ATP10B: variants seen among roughly 807,000 people sequenced by gnomAD.
ATP10B encodes the protein ATPase phospholipid transporting 10B (putative), also known as phospholipid-transporting ATPase VB.
ATP10B carries 122 observed loss-of-function variants against 141.2 expected under a neutral mutation model. The observed-to-expected ratio is 0.86, with a 90% confidence interval of 0.75 to 1.00. The LOEUF (loss-of-function observed/expected upper bound fraction) is 1.00. Among genes scored for constraint, ATP10B ranks in the 50% least tolerant of loss-of-function variants. ATP10B has a pLI of 0.00. For missense variants in ATP10B, 1,876 were observed against 1,825.3 expected (o/e 1.03, Z -0.51); for synonymous variants, 685 against 692.0 (o/e 0.99, Z 0.16).
At chr5:160,905,744 C>G in the ATP10B span, among the ~76,000 whole-genome samples, 1 of 151,898 alleles carries the variant, frequency 6.6e-6, no homozygotes, top group East Asian at 1.9e-4. Context: ...AAAAATAACC[C>G]AACTGTAGCA....
chr5:160,825,309 A>G (rs1003171491), intron 1 of ATP10B, among the ~76,000 whole-genome samples: 1 of 152,158 alleles, frequency 6.6e-6, no homozygotes, highest in African/African-American at 2.4e-5. Context: ...GTTGTGGGAG[A>G]AATCCAGTGG....
chr5:160,590,916 T>C, intron 23 of ATP10B, 143 bp downstream of exon 23: 1 of 635,546 alleles, frequency 1.6e-6, no homozygotes, highest in East Asian at 2.8e-5. Context: ...TCAAACACCT[T>C]GGGTTGGATG....
the ATP10B span, among the ~76,000 whole-genome samples, chr5:160,915,254 C>T: frequency 1.3e-5 from 2 of 151,878 alleles, no homozygotes; most frequent in Non-Finnish European, 2.9e-5. Context: ...CCCTGGATAT[C>T]TAGGGAAGGA....
At chr5:160,928,889 G>A in the ATP10B span, among the ~76,000 whole-genome samples, 10 of 152,178 alleles carry the variant, frequency 6.6e-5, no homozygotes, top group African/African-American at 2.4e-4. Flanking sequence ...GAGATTCCTT[G>A]CAAGGGTGCT....
chr5:160,864,825 CA>C, the ATP10B span, among the ~76,000 whole-genome samples: 1 of 151,460 alleles, frequency 6.6e-6, no homozygotes, highest in South Asian at 2.1e-4. Context: ...ACAACAGCTG[CA>C]AAAAAATAAA....
rs1333685278 is a variant in ATP10B at position 160,640,559 on chromosome 5, C to T, written c.902G>A (p.Gly301Asp). Residue 301 changes from glycine (G) to aspartate (D), a missense_variant, in exon 10 of 26, where the codon GGC (glycine) becomes GAC (aspartate). Physicochemically the swap from Gly to Asp is moderately conservative, Grantham distance 94. Transcript: ENST00000327245. ...HETKAMLNNSGPRYKRSKIER... is the reference protein window; with the variant it reads ...HETKAMLNNSDPRYKRSKIER... Reference sequence around the variant, plus strand: ...AATCTTGCTGCGTTTGTACCGGGGGCCACTGTTGTTCAGCATGGCTTTCGT... The same window carrying T: ...AATCTTGCTGCGTTTGTACCGGGGGTCACTGTTGTTCAGCATGGCTTTCGT... 1 of 1,614,106 alleles carries T rather than the reference C, an allele frequency of 6.2e-7. No individual in the cohort carries two copies. Among genetic ancestry groups the T allele is most frequent in the South Asian group, 1.1e-5 (1 of 91,074 alleles).
chr5:160,724,018 C>CAGGAA (rs1280476271), intron 2 of ATP10B, among the ~76,000 whole-genome samples: 2 of 152,080 alleles, frequency 1.3e-5, no homozygotes, highest in East Asian at 1.9e-4. Flanking sequence ...CAAAGTAATA[C>CAGGAA]AGGAACAGAA....
intron 7 of ATP10B, among the ~76,000 whole-genome samples, chr5:160,667,994 C>A (rs1762423540): frequency 6.6e-6 from 1 of 152,096 alleles, no homozygotes; most frequent in South Asian, 2.1e-4. Context: ...CTTTGGGAGG[C>A]CAAGGCAGGT....
intron 24 of ATP10B, among the ~76,000 whole-genome samples, chr5:160,588,226 C>T (rs1414381931): frequency 6.6e-6 from 1 of 152,166 alleles, no homozygotes; most frequent in Admixed American, 6.5e-5. Flanking sequence ...TATTTGAATA[C>T]CCTTTATTTC....
intron 1 of ATP10B, among the ~76,000 whole-genome samples, chr5:160,827,627 G>C (rs1490917816): frequency 6.6e-6 from 1 of 152,034 alleles, no homozygotes; most frequent in East Asian, 1.9e-4. Context: ...GGCTTTTGGG[G>C]ACTTAGCCAA....
Position 160,649,157 on chromosome 5 carries a change from C to T in ATP10B, c.761+14G>A. On this transcript the variant is annotated intron_variant, in intron 8 of 25. Coordinates refer to ENST00000327245, the MANE Select transcript of ATP10B (RefSeq NM_025153.3). The stretch of plus-strand genomic sequence containing the variant: ...GGAGATATTTACTAGCAGCATGGGA[C>T]ATGAGATACTTACATATAACCCTTA... The T allele has an allele frequency of 6.3e-7, 1 of 1,578,726 alleles. No individual in the cohort carries two copies. Among genetic ancestry groups the T allele is most frequent in the Non-Finnish European group, 8.7e-7 (1 of 1,148,008 alleles).
chr5:160,707,715 G>C (rs1169221733), intron 3 of ATP10B, among the ~76,000 whole-genome samples: 1 of 152,120 alleles, frequency 6.6e-6, no homozygotes, highest in Non-Finnish European at 1.5e-5. Flanking sequence ...AAATGACTAA[G>C]AATCTGCTAT....
chr5:160,887,660 C>T, the ATP10B span, among the ~76,000 whole-genome samples: 6 of 152,176 alleles, frequency 3.9e-5, no homozygotes, highest in South Asian at 2.1e-4. Flanking sequence ...TCTCCAGCTA[C>T]GTTGACCTCC....
At chr5:160,879,565 C>T in the ATP10B span, among the ~76,000 whole-genome samples, 7 of 150,318 alleles carry the variant, frequency 4.7e-5, no homozygotes, top group East Asian at 2.0e-4. Context: ...CACGGCCAGG[C>T]GCGGTGGCTC....
At chr5:160,764,056 C>T (rs1322933977) in intron 2 of ATP10B, among the ~76,000 whole-genome samples, 1 of 151,976 alleles carries the variant, frequency 6.6e-6, no homozygotes, top group Non-Finnish European at 1.5e-5. Flanking sequence ...ATGATTGAAA[C>T]AGTAATTTAA....
the ATP10B span, among the ~76,000 whole-genome samples, chr5:160,866,499 C>A: frequency 1.3e-5 from 2 of 151,978 alleles, no homozygotes; most frequent in African/African-American, 2.4e-5. Context: ...CATGGTGAAA[C>A]CCCATCTCTA....
At position 160,606,829 on chromosome 5, in the gene ATP10B, T is replaced by G; in HGVS notation, c.3096A>C (p.Pro1032=). The change falls in exon 19 of 26, where the codon CCA becomes CCC. Residue 1032 remains proline, a synonymous_variant. Transcript: ENST00000327245. ...CRSVLCCRST[P]LQKSMIVKLV... ...GCTTGACTATCATACTCTTCTGGAGTGGCGTGGAGCGGCAGCACAGGACGG... is the reference window on the plus strand; with the variant it reads ...GCTTGACTATCATACTCTTCTGGAGGGGCGTGGAGCGGCAGCACAGGACGG... 6.2e-7 allele frequency: 1 copy of G among 1,614,014 alleles called. No homozygotes were observed. Among genetic ancestry groups the G allele is most frequent in the Non-Finnish European group, 8.5e-7 (1 of 1,179,966 alleles).
At chr5:160,789,557 A>G (rs1190288188) in intron 1 of ATP10B, among the ~76,000 whole-genome samples, 1 of 152,228 alleles carries the variant, frequency 6.6e-6, no homozygotes, top group African/African-American at 2.4e-5. Context: ...TTATGGGACC[A>G]CTATTGTATC....
At chr5:160,579,088 G>T (rs1358921835) in intron 24 of ATP10B, among the ~76,000 whole-genome samples, 1 of 152,136 alleles carries the variant, frequency 6.6e-6, no homozygotes, top group African/African-American at 2.4e-5. Context: ...TTTGTCAGAT[G>T]GATAGATTGC....
Sources: gnomAD v4.1 joint callset for allele counts (sites outside exome capture counted in the v4.1 genomes callset) on GRCh38, gnomAD v4.1.1 for gene constraint, MANE v1.5 for transcripts, NCBI Gene and HGNC (gene_info 2026-07-23, HGNC 2026-07-21) for gene names.